Variants in B3GAT2 observed in about 807,000 individuals in gnomAD.
B3GAT2 encodes beta-1,3-glucuronyltransferase 2, also known as galactosylgalactosylxylosylprotein 3-beta-glucuronosyltransferase 2.
Under a neutral mutation model 27.8 loss-of-function variants are expected in B3GAT2, and 26 were observed. That is an observed-to-expected ratio of 0.93 (90% CI 0.68 to 1.30). The LOEUF is 1.30. B3GAT2 is among the 50% of genes most tolerant of loss of function. The pLI is 0.00. For synonymous variants in B3GAT2, 218 were observed against 195.1 expected, an observed-to-expected ratio of 1.12 and a Z score of -0.98; for missense variants, 458 against 459.0, an observed-to-expected ratio of 1.00 and a Z score of 0.02.
chr6:70,871,065 A>C (rs995487814), intron 2 of B3GAT2, among the ~76,000 whole-genome samples: 1 of 151,790 alleles, frequency 6.6e-6, no homozygotes, highest in Admixed American at 6.6e-5. Flanking sequence ...TTACTTTTAT[A>C]TTTGAAATAA....
chr6:70,890,230 C>A (rs1772264906), intron 2 of B3GAT2, among the ~76,000 whole-genome samples: 1 of 152,076 alleles, frequency 6.6e-6, no homozygotes, highest in South Asian at 2.1e-4. Flanking sequence ...ACCCTAACAC[C>A]CTCTTGCTGG....
At position 70,926,397 on chromosome 6, in the gene B3GAT2, G is replaced by A. The variant is rs61095390; in HGVS notation, c.591+29442C>T. Among the ~76,000 whole-genome samples, 221 of 152,234 alleles carry A rather than the reference G, an allele frequency of 1.5e-3. 5 individuals are homozygous for A. The East Asian group carries it at 0.035, about 24-fold the overall frequency. On this transcript the variant is annotated intron_variant, in intron 1 of 3. Coordinates refer to ENST00000230053, the MANE Select transcript of B3GAT2 (RefSeq NM_080742.3). ...TTCTCCGAGCTAAAGGAGGGTGTTC[G>A]AACCCATCTCAAAGAAGCTAAAAAC...
intron 1 of B3GAT2, among the ~76,000 whole-genome samples, chr6:70,929,905 T>C (rs146931269): frequency 6.6e-6 from 1 of 151,952 alleles, no homozygotes; most frequent in African/African-American, 2.4e-5. Flanking sequence ...AGCAAAAAGA[T>C]CAAAGCTGGA....
chr6:70,861,628 C>A lies in B3GAT2; in HGVS notation c.*35G>T, dbSNP rs754878228. ...AAACATCCTCTTCCATATGGATCCA[C>A]TGGCTGGACAAACTGCACCAGTTGC... On this transcript the variant is annotated 3_prime_UTR_variant, in exon 4 of 4. Transcript: ENST00000230053. 1 of 1,589,882 alleles carries A rather than the reference C, an allele frequency of 6.3e-7. No individual in the cohort carries two copies. Among genetic ancestry groups the A allele is most frequent in the East Asian group, 2.2e-5 (1 of 44,686 alleles).
intron 2 of B3GAT2, among the ~76,000 whole-genome samples, chr6:70,887,908 G>A (rs1019892516): frequency 1.2e-4 from 19 of 152,150 alleles, no homozygotes; most frequent in African/African-American, 4.6e-4. Context: ...TTGAGTAGAG[G>A]GGAACAAGAA....
chr6:70,868,172 A>G (rs1716007), intron 2 of B3GAT2, among the ~76,000 whole-genome samples: 113,836 of 152,112 alleles, frequency 0.75, 43,750 homozygotes, highest in East Asian at 0.93. Context: ...CTTAATAAGG[A>G]CATCTACAAA....
chr6:70,866,194 G>A (rs1771848292), intron 2 of B3GAT2, among the ~76,000 whole-genome samples: 1 of 152,086 alleles, frequency 6.6e-6, no homozygotes, highest in Non-Finnish European at 1.5e-5. Flanking sequence ...TAGCCAGAGT[G>A]GAGCTACCTA....
chr6:70,893,070 A>G (rs1021439523), intron 2 of B3GAT2, among the ~76,000 whole-genome samples: 7 of 152,064 alleles, frequency 4.6e-5, no homozygotes, highest in Admixed American at 3.3e-4. Flanking sequence ...AAAATCTCCT[A>G]TTTGTCCTCT....
intron 1 of B3GAT2, among the ~76,000 whole-genome samples, chr6:70,895,309 T>G (rs1435983172): frequency 6.6e-6 from 1 of 152,056 alleles, no homozygotes; most frequent in African/African-American, 2.4e-5. Flanking sequence ...AGTTAACCAG[T>G]GGTTAAATAA....
chr6:70,938,467 C>A (rs1765333502), intron 1 of B3GAT2, among the ~76,000 whole-genome samples: 1 of 151,942 alleles, frequency 6.6e-6, no homozygotes, highest in Non-Finnish European at 1.5e-5. Context: ...GCCAAAAGAA[C>A]AAAGCTGGAG....
chr6:70,919,930 T>C (rs963849274), intron 1 of B3GAT2, among the ~76,000 whole-genome samples: 6 of 152,192 alleles, frequency 3.9e-5, no homozygotes, highest in African/African-American at 1.4e-4. Context: ...CACTGCTTTC[T>C]TCAGAGCTGT....
chr6:70,866,383 G>C (rs961186575), intron 2 of B3GAT2, among the ~76,000 whole-genome samples: 3 of 152,138 alleles, frequency 2.0e-5, no homozygotes, highest in Non-Finnish European at 4.4e-5. Context: ...CAAAGCTCAA[G>C]AATACATATG....
At chr6:70,875,336 A>G (rs1771998930) in intron 2 of B3GAT2, among the ~76,000 whole-genome samples, 1 of 152,236 alleles carries the variant, frequency 6.6e-6, no homozygotes, top group African/African-American at 2.4e-5. Context: ...CAAGTGAGAA[A>G]CAAATGTGTT....
At chr6:70,885,723 C>T (rs188102513) in intron 2 of B3GAT2, among the ~76,000 whole-genome samples, 32 of 152,270 alleles carry the variant, frequency 2.1e-4, no homozygotes, top group Admixed American at 1.0e-3. Flanking sequence ...TGTATGTATT[C>T]GTTTTACTTC....
intron 1 of B3GAT2, among the ~76,000 whole-genome samples, chr6:70,929,809 C>G (rs1773030095): frequency 6.6e-6 from 1 of 152,158 alleles, no homozygotes; most frequent in Admixed American, 6.5e-5. Context: ...ATTGAGCTAC[C>G]AATGACTTTC....
intron 1 of B3GAT2, among the ~76,000 whole-genome samples, chr6:70,932,952 C>G (rs1773083637): frequency 6.6e-6 from 1 of 152,130 alleles, no homozygotes; most frequent in Non-Finnish European, 1.5e-5. Context: ...CAGGCACATG[C>G]CACCACTCAC....
At chr6:70,907,158 T>G (rs1451683362) in intron 1 of B3GAT2, among the ~76,000 whole-genome samples, 2 of 152,156 alleles carry the variant, frequency 1.3e-5, no homozygotes, top group Non-Finnish European at 2.9e-5. Flanking sequence ...CCCACATGAC[T>G]GCCAAGAGGG....
chr6:70,893,404 ATTT>A (rs34873705), intron 2 of B3GAT2, among the ~76,000 whole-genome samples: 3 of 145,132 alleles, frequency 2.1e-5, no homozygotes, highest in Non-Finnish European at 1.5e-5. Flanking sequence ...ATGTCACCGA[ATTT>A]TTTTTTTTTT....
chr6:70,890,937 C>A (rs1772278061), intron 2 of B3GAT2, among the ~76,000 whole-genome samples: 1 of 151,768 alleles, frequency 6.6e-6, no homozygotes, highest in African/African-American at 2.4e-5. Context: ...TAATAAATAT[C>A]TGTTTTAAGT....
Sources: gnomAD v4.1 joint callset for allele counts (sites outside exome capture counted in the v4.1 genomes callset) on GRCh38, gnomAD v4.1.1 for gene constraint, MANE v1.5 for transcripts, NCBI Gene and HGNC (gene_info 2026-07-23, HGNC 2026-07-21) for gene names.